The following DIAPH2 variants were observed in gnomAD, a reference collection of about 807,000 sequenced individuals.
DIAPH2 encodes diaphanous related formin 2, also known as protein diaphanous homolog 2.
Under a neutral mutation model 92.7 loss-of-function variants are expected in DIAPH2, and 35 were observed. That is an observed-to-expected ratio of 0.38 (90% confidence interval 0.29 to 0.50). DIAPH2 has a LOEUF of 0.50. DIAPH2 is among the 20% of genes least tolerant of loss of function. The pLI is 0.94. For missense variants in DIAPH2, 701 were observed against 819.5 expected, an observed-to-expected ratio of 0.86 and a Z score of 1.77; for synonymous variants, 301 against 280.4, an observed-to-expected ratio of 1.07 and a Z score of -0.73.
intron 23 of DIAPH2, among the ~76,000 whole-genome samples, chrX:97,321,759 C>G (rs2068899097): frequency 9.1e-6 from 1 of 109,915 alleles, no homozygotes; most frequent in Non-Finnish European, 1.9e-5. Context: ...CCATGTTAGC[C>G]AGGATGGTCT....
intron 24 of DIAPH2, among the ~76,000 whole-genome samples, chrX:97,376,057 T>G (rs2069497103): frequency 9.1e-6 from 1 of 109,610 alleles, no homozygotes; most frequent in Non-Finnish European, 1.9e-5. Context: ...CTGTGTGCTT[T>G]ATTTTCTGAG....
At position 97,599,481 on chromosome X, in the gene DIAPH2, C is replaced by T; in HGVS notation, c.*164C>T. ...GTGCATTTGTAATACTATTGCAAGA[C>T]TCCTCCCACAATTATTCTAATCTGA... On this transcript the variant is annotated 3_prime_UTR_variant, in exon 27 of 27. Transcript: ENST00000324765. 5 of 321,607 alleles carry T rather than the reference C, an allele frequency of 1.6e-5. No individual in the cohort carries two copies. The South Asian group carries it at 2.0e-4, about 13-fold the overall frequency. The allele number at this position is 321,607 out of a possible 1,213,427, so 26.5% of individuals were successfully genotyped here. A position where few individuals can be genotyped will look rare whatever the true frequency, so the allele number is the denominator to read the frequency against.
At chrX:97,521,391 T>C (rs1224528274) in intron 26 of DIAPH2, among the ~76,000 whole-genome samples, 2 of 112,151 alleles carry the variant, frequency 1.8e-5, no homozygotes, top group East Asian at 5.6e-4. Flanking sequence ...TCCCACTCCT[T>C]ACTCCCCTTT....
intron 1 of DIAPH2, among the ~76,000 whole-genome samples, chrX:96,706,569 G>A (rs1215696316): frequency 2.7e-5 from 3 of 111,998 alleles, no homozygotes; most frequent in Non-Finnish European, 5.6e-5. Flanking sequence ...GGTGGAGTTG[G>A]GAGAGATGAA....
At chrX:97,560,744 C>T (rs1345919665) in intron 26 of DIAPH2, among the ~76,000 whole-genome samples, 1 of 112,515 alleles carries the variant, frequency 8.9e-6, no homozygotes. Context: ...CCGCCTGCCT[C>T]GGCCTCCCAA....
At chrX:97,488,096 C>T (rs775290218) in intron 26 of DIAPH2, among the ~76,000 whole-genome samples, 75 of 112,074 alleles carry the variant, frequency 6.7e-4, no homozygotes, top group Non-Finnish European at 1.2e-3. Context: ...CGGGTTCAAG[C>T]GATTCTTCTG....
intron 26 of DIAPH2, among the ~76,000 whole-genome samples, chrX:97,489,271 A>C (rs773454290): frequency 1.3e-4 from 15 of 111,659 alleles, no homozygotes; most frequent in African/African-American, 4.9e-4. Context: ...TGATTTTTGT[A>C]TGTTGATTTT....
chrX:96,881,596 C>T lies in DIAPH2; in HGVS notation c.465C>T (p.Ser155=). ...TTTTATAGGGTGGGCTGAAAAACAG[C>T]AAACATGAATGCACCCTGTCTTCAC... The part of the protein sequence containing the change: ...ATAKSGGLKN[S]KHECTLSSQE... Residue 155 remains serine, a synonymous_variant, in exon 5 of 27, where the codon AGC becomes AGT. Coordinates refer to ENST00000324765, the MANE Select transcript of DIAPH2 (RefSeq NM_006729.5). The T allele has an allele frequency of 5.0e-6, 6 of 1,204,322 alleles. No homozygotes were observed. Among genetic ancestry groups the T allele is most frequent in the Non-Finnish European group, 6.7e-6 (6 of 892,196 alleles).
At chrX:96,949,225 A>G (rs2065757066) in intron 15 of DIAPH2, among the ~76,000 whole-genome samples, 186 bp downstream of exon 15, 1 of 111,703 alleles carries the variant, frequency 9.0e-6, no homozygotes, top group Non-Finnish European at 1.9e-5. Context: ...TGGAAAAAAA[A>G]TAAAGCATTA....
intron 26 of DIAPH2, among the ~76,000 whole-genome samples, chrX:97,472,540 A>G (rs1219918344): frequency 8.9e-6 from 1 of 112,661 alleles, no homozygotes; most frequent in Non-Finnish European, 1.9e-5. Flanking sequence ...TGGGTCACAC[A>G]GGGATTTTTA....
chrX:97,260,242 A>G (rs1353400572), intron 23 of DIAPH2, among the ~76,000 whole-genome samples: 1 of 112,854 alleles, frequency 8.9e-6, no homozygotes, highest in African/African-American at 3.2e-5. Context: ...GTTGGAACAC[A>G]GTGGTGAACA....
intron 22 of DIAPH2, among the ~76,000 whole-genome samples, chrX:97,158,574 A>G (rs2067342103): frequency 8.9e-6 from 1 of 112,457 alleles, no homozygotes; most frequent in Admixed American, 9.5e-5. Flanking sequence ...TTCTGACTCA[A>G]GTGCTTGGTT....
intron 25 of DIAPH2, among the ~76,000 whole-genome samples, chrX:97,405,558 T>C (rs996583049): frequency 7.2e-5 from 8 of 111,882 alleles, no homozygotes; most frequent in Non-Finnish European, 1.3e-4. Flanking sequence ...AGAAAATCCA[T>C]GCTTTTCAAG....
intron 26 of DIAPH2, among the ~76,000 whole-genome samples, chrX:97,522,748 AAGG>A (rs1296236945): frequency 9.0e-6 from 1 of 111,574 alleles, no homozygotes; most frequent in Middle Eastern, 4.3e-3. Context: ...TTGCTTGGAG[AAGG>A]AGAACTATCA....
intron 26 of DIAPH2, among the ~76,000 whole-genome samples, chrX:97,588,855 G>A (rs1310891925): frequency 9.5e-6 from 1 of 104,843 alleles, no homozygotes; most frequent in African/African-American, 3.4e-5. Flanking sequence ...GAGATTATTG[G>A]ATCCTATGCT....
chrX:96,884,401 A>G (rs746079672), intron 5 of DIAPH2: 11 of 1,207,010 alleles, frequency 9.1e-6, no homozygotes, highest in African/African-American at 5.3e-5. Flanking sequence ...GAGAGATGCA[A>G]CTCCTGCTAT....
At chrX:97,349,042 A>G (rs2069185224) in intron 24 of DIAPH2, among the ~76,000 whole-genome samples, 1 of 105,692 alleles carries the variant, frequency 9.5e-6, no homozygotes, top group Non-Finnish European at 1.9e-5. Flanking sequence ...GTGTGTATAT[A>G]TATGTGTATT....
intron 23 of DIAPH2, among the ~76,000 whole-genome samples, chrX:97,279,843 C>T (rs1323855639): frequency 9.0e-6 from 1 of 111,423 alleles, no homozygotes; most frequent in East Asian, 2.8e-4. Flanking sequence ...GGCTGCAACA[C>T]TTTTAACACT....
rs942797718 is a variant in DIAPH2, at chrX:97,392,361, C to A, written c.3145+8317C>A. ...ATCTAGTAAAAACTCAAGAAATAGT[C>A]TCCACCCTTAAGAAGTTTTCATTTT... On this transcript the variant is annotated intron_variant, in intron 25 of 26. Coordinates refer to ENST00000324765, the MANE Select transcript of DIAPH2 (RefSeq NM_006729.5). Among the ~76,000 whole-genome samples the A allele has an allele frequency of 7.2e-5, 8 of 111,793 alleles. No individual in the cohort carries two copies. In the East Asian group the frequency reaches 2.2e-3, roughly 31 times the overall value.
Sources: allele counts gnomAD v4.1 joint callset (sites outside exome capture counted in the v4.1 genomes callset), GRCh38; gene constraint gnomAD v4.1.1; transcripts MANE v1.5; gene names NCBI Gene and HGNC (gene_info 2026-07-23, HGNC 2026-07-21).